CDH13: variants seen among roughly 807,000 people sequenced by gnomAD.
CDH13 encodes cadherin 13.
In CDH13, 24 loss-of-function variants were observed where a neutral mutation model predicts 63.8. That is an observed-to-expected ratio of 0.38 (90% CI 0.27 to 0.53). CDH13 has a LOEUF of 0.53. Ranked by LOEUF, CDH13 falls within the 20% of genes least tolerant of loss-of-function variation. The pLI is 0.85. For synonymous variants in CDH13, 503 were observed against 355.3 expected (o/e 1.42, Z -4.67); for missense variants, 1,049 against 903.1 (o/e 1.16, Z -2.07).
intron 8 of CDH13, among the ~76,000 whole-genome samples, chr16:83,629,078 A>C (rs1268290094): frequency 6.6e-6 from 1 of 152,186 alleles, no homozygotes. Flanking sequence ...TACTGAGTAA[A>C]AATGATTTTT....
intron 1 of CDH13, among the ~76,000 whole-genome samples, chr16:82,640,117 T>C (rs1909206468): frequency 6.6e-6 from 1 of 152,158 alleles, no homozygotes; most frequent in Admixed American, 6.5e-5. Flanking sequence ...ATATGGTAGT[T>C]TTGCGTAGTG....
At chr16:83,580,949 C>T (rs1480466662) in intron 7 of CDH13, among the ~76,000 whole-genome samples, 2 of 152,188 alleles carry the variant, frequency 1.3e-5, no homozygotes, top group Non-Finnish European at 2.9e-5. Flanking sequence ...TGTTACATAA[C>T]AGATCTCTAT....
At chr16:82,818,587 T>G (rs1251676535) in intron 1 of CDH13, among the ~76,000 whole-genome samples, 2 of 152,132 alleles carry the variant, frequency 1.3e-5, no homozygotes, top group Non-Finnish European at 2.9e-5. Context: ...AGCAAAAAGA[T>G]TTTGCTTTTC....
At chr16:83,488,086 G>C (rs2073933006) in intron 7 of CDH13, among the ~76,000 whole-genome samples, 1 of 152,140 alleles carries the variant, frequency 6.6e-6, no homozygotes. Flanking sequence ...TAGTCACATG[G>C]GGTTATTGCA....
At chr16:83,338,723 G>T (rs1481877102) in intron 5 of CDH13, among the ~76,000 whole-genome samples, 2 of 152,190 alleles carry the variant, frequency 1.3e-5, no homozygotes, top group African/African-American at 4.8e-5. Context: ...GAAACCCATG[G>T]TTGGTAGGAG....
At chr16:83,054,846 A>C (rs2151511572) in intron 3 of CDH13, among the ~76,000 whole-genome samples, 1 of 152,252 alleles carries the variant, frequency 6.6e-6, no homozygotes, top group Non-Finnish European at 1.5e-5. Context: ...AGATTTTACT[A>C]AACAAAATTT....
chr16:83,427,422 G>T (rs2071945510), intron 6 of CDH13, among the ~76,000 whole-genome samples: 1 of 152,110 alleles, frequency 6.6e-6, no homozygotes, highest in South Asian at 2.1e-4. Flanking sequence ...AATGTGGGTA[G>T]CCTCAAGAAG....
intron 6 of CDH13, among the ~76,000 whole-genome samples, chr16:83,445,523 G>A (rs961601168): frequency 2.0e-5 from 3 of 152,100 alleles, no homozygotes; most frequent in Non-Finnish European, 2.9e-5. Context: ...ATTCTGGACC[G>A]ATAGCCTCCC....
intron 3 of CDH13, among the ~76,000 whole-genome samples, chr16:83,113,096 C>A (rs1021093749): frequency 6.6e-6 from 1 of 152,286 alleles, no homozygotes; most frequent in African/African-American, 2.4e-5. Flanking sequence ...GGGAGGACTT[C>A]CATGCAACTC....
At chr16:83,195,611 C>A (rs540647834) in intron 4 of CDH13, among the ~76,000 whole-genome samples, 1 of 152,174 alleles carries the variant, frequency 6.6e-6, no homozygotes, top group African/African-American at 2.4e-5. Context: ...AAACCCCCCG[C>A]CGTGATCCCA....
chr16:83,438,757 A>C (rs1239937465), intron 6 of CDH13, among the ~76,000 whole-genome samples: 1 of 152,222 alleles, frequency 6.6e-6, no homozygotes, highest in South Asian at 2.1e-4. Context: ...TGGTTGTCTG[A>C]CAATATTTCT....
intron 5 of CDH13, among the ~76,000 whole-genome samples, chr16:83,242,023 G>A (rs934538923): frequency 2.0e-5 from 3 of 152,128 alleles, no homozygotes; most frequent in African/African-American, 7.2e-5. Context: ...TACGGCATGA[G>A]GTAAGGGTCT....
At chr16:83,560,607 C>T (rs1439975883) in intron 7 of CDH13, among the ~76,000 whole-genome samples, 1 of 152,198 alleles carries the variant, frequency 6.6e-6, no homozygotes, top group African/African-American at 2.4e-5. Context: ...TAGAGTTTCA[C>T]TTAACATTGT....
At chr16:83,123,242 A>G (rs947618387) in intron 3 of CDH13, among the ~76,000 whole-genome samples, 1 of 151,626 alleles carries the variant, frequency 6.6e-6, no homozygotes, top group Non-Finnish European at 1.5e-5. Flanking sequence ...ATTTACATAT[A>G]TGTATAGATA....
intron 13 of CDH13, among the ~76,000 whole-genome samples, chr16:83,785,569 G>C (rs573754330): frequency 1.6e-4 from 24 of 152,348 alleles, no homozygotes; most frequent in Non-Finnish European, 2.5e-4. Flanking sequence ...TTTGCTGACA[G>C]ATATCCTAGA....
intron 6 of CDH13, among the ~76,000 whole-genome samples, chr16:83,347,845 G>T: frequency 6.6e-6 from 1 of 152,102 alleles, no homozygotes; most frequent in South Asian, 2.1e-4. Context: ...GACTAGTCCG[G>T]GTCTGTCTAC....
At chr16:83,265,330 G>A (rs558465133) in intron 5 of CDH13, among the ~76,000 whole-genome samples, 6 of 152,136 alleles carry the variant, frequency 3.9e-5, no homozygotes, top group African/African-American at 1.4e-4. Context: ...TGGATTATGT[G>A]TGTATTTCGC....
At chr16:83,163,375 T>C (rs1166360760) in intron 4 of CDH13, among the ~76,000 whole-genome samples, 1 of 152,078 alleles carries the variant, frequency 6.6e-6, no homozygotes, top group Non-Finnish European at 1.5e-5. Context: ...GTCCATCTTG[T>C]GGTCAAAACC....
chr16:83,065,506 A>C (rs1455949378), intron 3 of CDH13, among the ~76,000 whole-genome samples: 1 of 152,086 alleles, frequency 6.6e-6, no homozygotes, highest in Admixed American at 6.6e-5. Flanking sequence ...GGAGTTCAAA[A>C]CCAGCCTGGC....
Sources: allele counts gnomAD v4.1 joint callset (sites outside exome capture counted in the v4.1 genomes callset), GRCh38; gene constraint gnomAD v4.1.1; transcripts MANE v1.5; gene names NCBI Gene and HGNC (gene_info 2026-07-23, HGNC 2026-07-21).